The following ATM variants were observed in gnomAD, a reference collection of about 807,000 sequenced individuals.
The protein encoded by ATM is serine-protein kinase ATM.
ATM carries 308 observed loss-of-function variants against 387.0 expected under a neutral mutation model. That is an observed-to-expected ratio of 0.80 (90% CI 0.73 to 0.87). The LOEUF (loss-of-function observed/expected upper bound fraction) is 0.87, where lower values mean the gene tolerates loss of function less well. Among genes scored for constraint, ATM ranks in the 40% least tolerant of loss-of-function variants. The probability of loss-of-function intolerance (pLI) is 0.00; values close to 1 mark genes in which losing one functional copy is unlikely to be tolerated. For missense variants in ATM, 3,312 were observed against 3,560.9 expected (o/e 0.93, Z 1.78); for synonymous variants, 1,156 against 1,187.3 (o/e 0.97, Z 0.54).
chr11:108,284,548 T>C (rs1591646997), intron 26 of ATM, 75 bp downstream of exon 26: 21 of 1,548,624 alleles, frequency 1.4e-5, no homozygotes, highest in East Asian at 2.3e-5. Flanking sequence ...TAAGGCTATT[T>C]ATTCGATTTA....
At chr11:108,358,711 G>A (rs2090343219) in intron 61 of ATM, among the ~76,000 whole-genome samples, 2 of 150,346 alleles carry the variant, frequency 1.3e-5, no homozygotes, top group East Asian at 2.0e-4. Flanking sequence ...CATCAGTGAA[G>A]TAGAAATAAA....
At position 108,253,938 on chromosome 11, in the gene ATM, C is replaced by T. The variant is rs777849257; in HGVS notation, c.2023C>T (p.Gln675Ter). The T allele has an allele frequency of 2.5e-6, 4 of 1,613,882 alleles. No homozygotes were observed. Among genetic ancestry groups the T allele is most frequent in the African/African-American group, 1.3e-5 (1 of 74,884 alleles). Residue 675 changes from glutamine to a stop codon, truncating the protein, a stop_gained, in exon 13 of 63, where the codon CAG (glutamine) becomes TAG (stop). Transcript: ENST00000675843. LOFTEE classifies it high-confidence loss of function. ...GAGAGAATGTGGTATAGAAAAGCAC[C>T]AGTCCAGTATTGGCTTCTCTGTCCA... ...IVRECGIEKH[Q>*]SSIGFSVHQN...
chr11:108,312,553 A>ATAC (rs2084266341), intron 40 of ATM, 55 bp downstream of exon 40: 2 of 1,303,734 alleles, frequency 1.5e-6, no homozygotes, highest in South Asian at 2.4e-5. Flanking sequence ...ACTTTGGGTT[A>ATAC]TTTTGTTATA....
chr11:108,312,314 C>T, intron 39 of ATM, 97 bp from the exon 40 acceptor site: 2 of 893,302 alleles, frequency 2.2e-6, no homozygotes, highest in Non-Finnish European at 3.7e-6. Context: ...TGTTTGCCAC[C>T]TTCATTAGTT....
chr11:108,314,876 G>A (rs541191363), intron 40 of ATM, among the ~76,000 whole-genome samples: 15 of 152,286 alleles, frequency 9.8e-5, no homozygotes, highest in Admixed American at 5.9e-4. Context: ...TATCAATACC[G>A]TAAGTTTATA....
In ATM at chr11:108,251,849, C is replaced by T. The variant is rs1555071676; in HGVS notation, c.1620C>T (p.Cys540=). 1 of 1,613,728 alleles carries T rather than the reference C, an allele frequency of 6.2e-7. No homozygotes were observed. The change falls in exon 11 of 63, where the codon TGC becomes TGT. Residue 540 remains cysteine, a synonymous_variant. Transcript: ENST00000675843. The part of the protein sequence containing the change: ...SACRPSCPAV[C]CLTLALTTSI... Reference sequence around the variant, plus strand: ...TGTTTTGTTATAGTCCTGCAGTATGCTGTTTGACTTTGGCACTGACCACCA... The same window carrying T: ...TGTTTTGTTATAGTCCTGCAGTATGTTGTTTGACTTTGGCACTGACCACCA...
chr11:108,315,531 G>A lies in ATM; in HGVS notation c.6007-292G>A, dbSNP rs634268. 0.62 allele frequency among the ~76,000 whole-genome samples: 94,552 copies of A among 151,796 alleles called. 29,742 individuals carry two copies. The highest frequency in any genetic ancestry group is 0.77 in the Middle Eastern group (226 of 294). On this transcript the variant is annotated intron_variant, in intron 40 of 62. Transcript: ENST00000675843. The stretch of plus-strand genomic sequence containing the variant: ...GACATAACTTTTAAAAAATTTTTCA[G>A]TAGTTCTAAACTGTGTGGTTTGTGA...
At chr11:108,348,987 A>G (rs1304031485) in intron 59 of ATM, among the ~76,000 whole-genome samples, 1 of 152,238 alleles carries the variant, frequency 6.6e-6, no homozygotes, top group Non-Finnish European at 1.5e-5. Context: ...AATGACGGAG[A>G]TCCAGAATCT....
At position 108,279,566 on chromosome 11, in the gene ATM, T is replaced by G. The variant is rs2082121277; in HGVS notation, c.3360T>G (p.Phe1120Leu). ...CTTTGAAGCTTCAGCAAACAGCTTT[T>G]GAAAATGCATACTTGAAAGCTCAGG... ...ALPLKLQQTA[F>L]ENAYLKAQEG... is the part of the protein sequence containing the mutation. The change falls in exon 23 of 63, where the codon TTT becomes TTG. Residue 1120 changes from phenylalanine (F) to leucine (L), a missense_variant. By Grantham distance (22) the Phe-to-Leu change is conservative. This residue lies in a region of ATM where 1,791 missense variants were observed against 1,804.5 expected (regional missense o/e 0.99). Coordinates refer to ENST00000675843, the MANE Select transcript of ATM (RefSeq NM_000051.4). The G allele has an allele frequency of 1.2e-6, 2 of 1,613,708 alleles. No homozygotes were observed. The highest frequency in any genetic ancestry group is 3.3e-5 in the Admixed American group (2 of 60,014).
chr11:108,237,949 CAG>C, intron 5 of ATM, among the ~76,000 whole-genome samples: 1 of 117,480 alleles, frequency 8.5e-6, no homozygotes, highest in Middle Eastern at 7.0e-3. Flanking sequence ...TTTTTTGAGA[CAG>C]AGTCTCCCTC....
rs1060501652 is a variant in ATM, at chr11:108,310,311, A to G, written c.5914A>G (p.Lys1972Glu). 3 of 1,612,756 alleles carry G rather than the reference A, an allele frequency of 1.9e-6. No homozygotes were observed. The Admixed American group carries it at 5.0e-5, about 27-fold the overall frequency. The part of the protein sequence containing the change: ...ADKKSMDDQE[K>E]RSLAFEEGSQ... Reference sequence around the variant, plus strand: ...TAAGAAAAGTATGGATGATCAAGAGAAAAGGTAATGGAATTTAGAATTTTT... The same window carrying G: ...TAAGAAAAGTATGGATGATCAAGAGGAAAGGTAATGGAATTTAGAATTTTT... The change falls in exon 39 of 63, where the codon AAA becomes GAA. Residue 1972 changes from lysine to glutamate, a missense_variant. Around this residue, in one of 4 missense-constraint regions of ATM, gnomAD observed 1,405 missense variants for 1,604.4 expected, o/e 0.88. Transcript: ENST00000675843.
In ATM at chr11:108,249,067, T is replaced by C. The variant is rs1274342103; in HGVS notation, c.1200T>C (p.Leu400=). 1 of 1,614,018 alleles carries C rather than the reference T, an allele frequency of 6.2e-7. No homozygotes were observed. The highest frequency in any genetic ancestry group is 1.1e-5 in the South Asian group (1 of 91,082). ...GCTGGGAAGTAATAAAAGATCACCT[T>C]CAGAAGTCACAGAATGATTTTGATC... The part of the protein sequence containing the change: ...ELGWEVIKDH[L]QKSQNDFDLV... Residue 400 remains leucine, a synonymous_variant, in exon 9 of 63, where the codon CTT becomes CTC. Transcript: ENST00000675843.
chr11:108,322,740 A>G (rs2085326550), intron 45 of ATM, among the ~76,000 whole-genome samples: 1 of 152,186 alleles, frequency 6.6e-6, no homozygotes, highest in African/African-American at 2.4e-5. Flanking sequence ...TAAAAAATTC[A>G]GCTTAAAAGT....
At chr11:108,336,141 T>TAA (rs374306537) in intron 56 of ATM, 180 bp downstream of exon 56, 38 of 440,928 alleles carry the variant, frequency 8.6e-5, no homozygotes, top group African/African-American at 1.6e-4. Flanking sequence ...GACAAAAAGT[T>TAA]AAAAAAAAAA....
At chr11:108,342,542 G>A (rs746040303) in intron 56 of ATM, among the ~76,000 whole-genome samples, 1 of 152,064 alleles carries the variant, frequency 6.6e-6, no homozygotes, top group Non-Finnish European at 1.5e-5. Flanking sequence ...CTTGATGGTG[G>A]GAGGGACTTA....
chr11:108,265,619 C>G lies in ATM; in HGVS notation c.2467-1552C>G, dbSNP rs1161877682. Among the ~76,000 whole-genome samples the G allele has an allele frequency of 4.0e-5, 6 of 150,442 alleles. No individual in the cohort carries two copies. The South Asian group carries it at 8.5e-4, about 21-fold the overall frequency. On this transcript the variant is annotated intron_variant, in intron 16 of 62. Transcript: ENST00000675843. The stretch of plus-strand genomic sequence containing the variant: ...CACCAAAAGCAATGGCAACAAAAGA[C>G]AGAATTGACAAATGGGATCTAATTA...
At position 108,272,737 on chromosome 11, in the gene ATM, A is replaced by G; in HGVS notation, c.3169A>G (p.Lys1057Glu). ...KTLLEADPYS[K>E]WAILNVMGKD... ...TTTCCCGTAGGCTGATCCTTATTCA[A>G]AATGGGCCATTCTTAATGTAATGGG... The change falls in exon 22 of 63, where the codon AAA becomes GAA. Residue 1057 changes from lysine (K) to glutamate (E), a missense_variant. Coordinates refer to ENST00000675843, the MANE Select transcript of ATM (RefSeq NM_000051.4). 1 of 1,614,064 alleles carries G rather than the reference A, an allele frequency of 6.2e-7. No individual in the cohort carries two copies. The highest frequency in any genetic ancestry group is 1.3e-5 in the African/African-American group (1 of 75,064).
chr11:108,251,765 A>G (rs2080157695), intron 10 of ATM, 72 bp from the exon 11 acceptor site: 4 of 1,425,240 alleles, frequency 2.8e-6, no homozygotes, highest in Non-Finnish European at 4.0e-6. Context: ...TGTGCCAGGC[A>G]CTGTCCTGAT....
intron 27 of ATM, 141 bp from the exon 28 acceptor site, chr11:108,288,836 T>C: frequency 1.1e-6 from 1 of 920,532 alleles, no homozygotes; most frequent in Non-Finnish European, 1.7e-6. Flanking sequence ...TGTGATTTTA[T>C]TGAAAGTATA....
Sources: allele counts gnomAD v4.1 joint callset (sites outside exome capture counted in the v4.1 genomes callset), GRCh38; gene constraint gnomAD v4.1.1; regional missense constraint gnomAD v4.1.1; transcripts MANE v1.5; gene names NCBI Gene and HGNC (gene_info 2026-07-23, HGNC 2026-07-21).